The following ACBD6 variants were observed in gnomAD, a reference collection of about 807,000 sequenced individuals.
ACBD6 encodes acyl-CoA-binding domain-containing protein 6.
A neutral mutation model predicts 37.2 loss-of-function variants in ACBD6; 28 were observed. The observed-to-expected ratio is 0.75, with a 90% CI of 0.56 to 1.03. The LOEUF (loss-of-function observed/expected upper bound fraction) is 1.03. ACBD6 is among the 50% of genes least tolerant of loss of function. The pLI is 0.00. For missense variants in ACBD6, 340 were observed against 337.4 expected (o/e 1.01, Z -0.06); for synonymous variants, 113 against 126.8 (o/e 0.89, Z 0.73).
chr1:180,435,025 A>G (rs1571506647), intron 3 of ACBD6: 1 of 968,622 alleles, frequency 1.0e-6, no homozygotes, highest in Non-Finnish European at 1.7e-6. Flanking sequence ...AACACCGACA[A>G]TACACTAGGC....
At chr1:180,414,969 C>A (rs113247770) in intron 4 of ACBD6, among the ~76,000 whole-genome samples, 3,988 of 152,086 alleles carry the variant, frequency 0.026, 182 homozygotes, top group African/African-American at 0.091. Flanking sequence ...CACCATGTTT[C>A]GGGAGGCTGA....
At chr1:180,378,573 T>C (rs572171269) in intron 6 of ACBD6, among the ~76,000 whole-genome samples, 115 of 152,330 alleles carry the variant, frequency 7.5e-4, no homozygotes, top group African/African-American at 2.7e-3. Context: ...GCAACTTTTC[T>C]GTAGAGTCTA....
intron 6 of ACBD6, among the ~76,000 whole-genome samples, chr1:180,369,624 A>C (rs1653180560): frequency 1.3e-5 from 2 of 152,070 alleles, no homozygotes; most frequent in South Asian, 4.1e-4. Flanking sequence ...AAAATGTTAA[A>C]ATAAAAAAAA....
At chr1:180,314,843 A>C (rs1650736571) in intron 6 of ACBD6, 121 bp from the exon 7 acceptor site, 1 of 746,246 alleles carries the variant, frequency 1.3e-6, no homozygotes, top group South Asian at 1.5e-5. Flanking sequence ...AGACTTAGGA[A>C]AAGAAGTCAG....
chr1:180,294,307 G>A (rs1344202981), intron 7 of ACBD6, among the ~76,000 whole-genome samples: 1 of 152,094 alleles, frequency 6.6e-6, no homozygotes, highest in Non-Finnish European at 1.5e-5. Flanking sequence ...GGGAGGCCAA[G>A]GCAGGCAGAT....
rs1447441748 is a variant in ACBD6 at position 180,490,800 on chromosome 1, AG to A, written c.384+1468del. ...GACTCTGTCTCAAAAAAAAAAAAAA[AG>A]AAAAAAAATTTAAAAATTAGCCAGG... On this transcript the variant is annotated intron_variant, in intron 3 of 7. Coordinates refer to ENST00000367595, the MANE Select transcript of ACBD6 (RefSeq NM_032360.4). 2.0e-3 allele frequency among the ~76,000 whole-genome samples: 300 copies of A among 149,914 alleles called. 1 individual carries two copies. The highest frequency in any genetic ancestry group is 0.01 in the Middle Eastern group (3 of 292).
intron 6 of ACBD6, among the ~76,000 whole-genome samples, chr1:180,319,184 C>T (rs1650955401): frequency 6.6e-6 from 1 of 152,192 alleles, no homozygotes; most frequent in African/African-American, 2.4e-5. Flanking sequence ...ACTTTATGTT[C>T]TTATCTATCT....
intron 2 of ACBD6, among the ~76,000 whole-genome samples, chr1:180,492,791 T>C (rs1651559709): frequency 6.6e-6 from 1 of 152,306 alleles, no homozygotes; most frequent in African/African-American, 2.4e-5. Flanking sequence ...CAGAAACTAA[T>C]CATCACATAA....
At chr1:180,289,565 C>T (rs546924532) in intron 7 of ACBD6, among the ~76,000 whole-genome samples, 14 of 152,296 alleles carry the variant, frequency 9.2e-5, no homozygotes, top group African/African-American at 3.1e-4. Context: ...CACATATACC[C>T]TCCAACCTAG....
At chr1:180,271,641 C>T in exon 14 of ACBD6, 2 of 1,454,748 alleles carry the variant, frequency 1.4e-6, no homozygotes, top group Non-Finnish European at 1.9e-6. Context: ...CAGGGCTTGA[C>T]CCCAGGGCTT....
chr1:180,288,385 C>T lies in ACBD6; in HGVS notation c.827G>A (p.Arg276Gln), dbSNP rs145317276. 3.8e-5 allele frequency: 61 copies of T among 1,613,572 alleles called. No homozygotes were observed. In the South Asian group the frequency reaches 4.2e-4, roughly 11 times the overall value. Residue 276 changes from arginine to glutamine, a missense_variant, in exon 8 of 8, where the codon CGG becomes CAG. Arg to Gln is a conservative substitution (Grantham distance 43). Transcript: ENST00000367595. The stretch of plus-strand genomic sequence containing the variant: ...TGATTAAGCCTTGCCAGTTGTGTGC[C>T]GCTGCAGCACCAAAGAAACTGTTTT... ...GCKTVSLVLQ[R>Q]HTTGKA
At chr1:180,407,746 A>T (rs1647682656) in intron 5 of ACBD6, among the ~76,000 whole-genome samples, 2 of 152,246 alleles carry the variant, frequency 1.3e-5, no homozygotes, top group South Asian at 4.1e-4. Flanking sequence ...CTGTAAAACA[A>T]GGACAATATC....
At chr1:180,342,445 G>A (rs1488472711) in intron 6 of ACBD6, among the ~76,000 whole-genome samples, 1 of 152,000 alleles carries the variant, frequency 6.6e-6, no homozygotes, top group Non-Finnish European at 1.5e-5. Flanking sequence ...AATGTAAGTT[G>A]TTCTTCTCTT....
chr1:180,431,306 A>G (rs1292966038), intron 3 of ACBD6, among the ~76,000 whole-genome samples: 1 of 152,158 alleles, frequency 6.6e-6, no homozygotes, highest in Non-Finnish European at 1.5e-5. Context: ...GAGGAGATGA[A>G]TCAAGTCAGT....
intron 7 of ACBD6, among the ~76,000 whole-genome samples, chr1:180,296,600 T>G (rs1278567129): frequency 6.6e-6 from 1 of 151,920 alleles, no homozygotes; most frequent in East Asian, 2.0e-4. Context: ...CTGGCTAATT[T>G]TTGTATTTTT....
chr1:180,463,089 G>A (rs1468228161), intron 3 of ACBD6, among the ~76,000 whole-genome samples: 1 of 152,190 alleles, frequency 6.6e-6, no homozygotes, highest in Non-Finnish European at 1.5e-5. Flanking sequence ...TGTTAAGAGG[G>A]AAATTTATAG....
intron 7 of ACBD6, among the ~76,000 whole-genome samples, chr1:180,313,076 A>AT (rs1203421116): frequency 6.6e-6 from 1 of 152,176 alleles, no homozygotes; most frequent in Non-Finnish European, 1.5e-5. Context: ...ACATTAATAG[A>AT]TTTTTTAAAT....
intron 7 of ACBD6, among the ~76,000 whole-genome samples, chr1:180,310,811 G>C (rs1295098711): frequency 6.6e-6 from 1 of 152,156 alleles, no homozygotes; most frequent in South Asian, 2.1e-4. Context: ...TTGTTCTACA[G>C]CCTAATATTA....
intron 6 of ACBD6, among the ~76,000 whole-genome samples, chr1:180,375,910 T>C (rs1474767185): frequency 6.6e-6 from 1 of 152,040 alleles, no homozygotes; most frequent in African/African-American, 2.4e-5. Flanking sequence ...GAAACAAAAA[T>C]GGGCGAAAAT....
Sources: gnomAD v4.1 joint callset for allele counts (sites outside exome capture counted in the v4.1 genomes callset) on GRCh38, gnomAD v4.1.1 for gene constraint, MANE v1.5 for transcripts, NCBI Gene and HGNC (gene_info 2026-07-23, HGNC 2026-07-21) for gene names.